Variants in ATG14 observed in about 807,000 individuals in gnomAD.
ATG14 encodes the protein autophagy related 14, also known as beclin 1-associated autophagy-related key regulator.
ATG14 carries 35 observed loss-of-function variants against 60.4 expected under a neutral mutation model. The ratio of observed to expected loss-of-function variants is 0.58; its 90% CI spans 0.44 to 0.77. The LOEUF is 0.77. Ranked by LOEUF, ATG14 falls within the 30% of genes least tolerant of loss-of-function variation. ATG14 has a pLI of 0.00. For missense variants in ATG14, 647 were observed against 626.3 expected (o/e 1.03, Z -0.35); for synonymous variants, 234 against 228.8 (o/e 1.02, Z -0.21).
intron 4 of ATG14, among the ~76,000 whole-genome samples, chr14:55,389,484 C>T (rs1885178470): frequency 6.6e-6 from 1 of 152,136 alleles, no homozygotes; most frequent in Admixed American, 6.6e-5. Flanking sequence ...TTTATTAGGA[C>T]AAATGTTTTC....
chr14:55,393,672 G>A (rs1046332618), intron 3 of ATG14, among the ~76,000 whole-genome samples: 16 of 151,598 alleles, frequency 1.1e-4, no homozygotes, highest in Non-Finnish European at 1.9e-4. Context: ...AACCTCCCAA[G>A]TAGCTGGGAC....
intron 1 of ATG14, among the ~76,000 whole-genome samples, chr14:55,397,943 CT>C (rs928087584): frequency 0.024 from 2,520 of 105,472 alleles, 8 homozygotes; most frequent in East Asian, 0.043. Context: ...TGCAGTAATT[CT>C]TTTTTTTTTT....
At chr14:55,401,887 G>A (rs1239051119) in intron 1 of ATG14, among the ~76,000 whole-genome samples, 2 of 152,196 alleles carry the variant, frequency 1.3e-5, no homozygotes, top group Non-Finnish European at 1.5e-5. Flanking sequence ...TATGGAGGCA[G>A]AGAAAATTCT....
chr14:55,384,270 T>C lies in ATG14; in HGVS notation c.647+1589A>G, dbSNP rs575362327. Among the ~76,000 whole-genome samples, 11 of 152,376 alleles carry C rather than the reference T, an allele frequency of 7.2e-5. No individual in the cohort carries two copies. In the South Asian group the frequency reaches 2.3e-3, roughly 32 times the overall value. On this transcript the variant is annotated intron_variant, in intron 5 of 9. Transcript: ENST00000247178. ...TTCTCCTCGTGTGTGTATTTTCTTT[T>C]TGAAAAAAGTCAGCCTTACAGAAAA...
At chr14:55,399,938 C>A (rs1342325270) in intron 1 of ATG14, among the ~76,000 whole-genome samples, 2 of 152,178 alleles carry the variant, frequency 1.3e-5, no homozygotes, top group Non-Finnish European at 2.9e-5. Context: ...CAAACTCTTA[C>A]AAATATACAG....
chr14:55,395,177 C>T (rs1306577811), intron 3 of ATG14: 6 of 444,496 alleles, frequency 1.3e-5, no homozygotes, highest in Non-Finnish European at 2.8e-5. Flanking sequence ...GTGCCGATCT[C>T]CTCTTGGGCT....
chr14:55,370,436 GA>G (rs1884787921), intron 9 of ATG14, among the ~76,000 whole-genome samples: 1 of 152,194 alleles, frequency 6.6e-6, no homozygotes, highest in African/African-American at 2.4e-5. Flanking sequence ...TTCTAGCACA[GA>G]ATGAGGCACA....
chr14:55,387,978 GA>G (rs1191052521), intron 4 of ATG14, among the ~76,000 whole-genome samples: 1 of 152,012 alleles, frequency 6.6e-6, no homozygotes, highest in East Asian at 1.9e-4. Context: ...TTACAGTTTT[GA>G]AACAACAATC....
rs777618732 is a variant in ATG14, at chr14:55,411,741, C to G, written c.82G>C (p.Asp28His). 3 of 1,610,480 alleles carry G rather than the reference C, an allele frequency of 1.9e-6. No individual in the cohort carries two copies. Residue 28 changes from aspartate (D) to histidine (H), a missense_variant, in exon 1 of 10, where the codon GAC becomes CAC. By Grantham distance (81) the Asp-to-His change is moderately conservative (BLOSUM62 -1). Coordinates refer to ENST00000247178, the MANE Select transcript of ATG14 (RefSeq NM_014924.5). ...AGCCCCTCCGCATCGTCCACGGAGT[C>G]CACCAGGTCCCGGGCGAGCGGCCGG... is the stretch of plus-strand genomic sequence containing the variant. ...GPRPLARDLV[D>H]SVDDAEGLYV... is the part of the protein sequence containing the mutation.
At chr14:55,388,085 C>T (rs56042503) in intron 4 of ATG14, among the ~76,000 whole-genome samples, 20,460 of 151,906 alleles carry the variant, frequency 0.13, 3,960 homozygotes, top group African/African-American at 0.43. Flanking sequence ...TGCAGTGAGC[C>T]GAGATCGTGC....
chr14:55,387,702 T>C (rs1270213798), intron 4 of ATG14, among the ~76,000 whole-genome samples: 1 of 152,076 alleles, frequency 6.6e-6, no homozygotes, highest in Non-Finnish European at 1.5e-5. Context: ...GGAGTTTCGC[T>C]CTTGTTGCCC....
At chr14:55,389,169 A>G (rs1220783164) in intron 4 of ATG14, among the ~76,000 whole-genome samples, 1 of 152,194 alleles carries the variant, frequency 6.6e-6, no homozygotes, top group Non-Finnish European at 1.5e-5. Flanking sequence ...GGAGTTAGGA[A>G]TGTGTTAAAA....
intron 4 of ATG14, among the ~76,000 whole-genome samples, chr14:55,388,141 C>CCAA (rs766038675): frequency 6.6e-6 from 1 of 152,068 alleles, no homozygotes; most frequent in Non-Finnish European, 1.5e-5. Flanking sequence ...CATCTCAAAA[C>CCAA]CAACAACAAC....
chr14:55,384,830 C>G (rs1261205351), intron 5 of ATG14, among the ~76,000 whole-genome samples: 2 of 152,194 alleles, frequency 1.3e-5, no homozygotes, highest in African/African-American at 2.4e-5. Context: ...TAAACGGAAG[C>G]CTTCGGTAGT....
chr14:55,398,966 G>C (rs1477829228), intron 1 of ATG14, among the ~76,000 whole-genome samples: 1 of 152,178 alleles, frequency 6.6e-6, no homozygotes, highest in African/African-American at 2.4e-5. Context: ...GTAACATGAT[G>C]TGGTGTTCAA....
At chr14:55,386,898 C>A (rs1218742423) in intron 4 of ATG14, among the ~76,000 whole-genome samples, 5 of 152,132 alleles carry the variant, frequency 3.3e-5, no homozygotes, top group African/African-American at 1.2e-4. Flanking sequence ...AACCCAAGTT[C>A]AAAATCAAGT....
chr14:55,403,383 T>A (rs1440014061), intron 1 of ATG14, among the ~76,000 whole-genome samples: 1 of 152,156 alleles, frequency 6.6e-6, no homozygotes, highest in Admixed American at 6.5e-5. Flanking sequence ...CAGTTCTAAC[T>A]ACACTCGCTT....
Position 55,382,154 on chromosome 14 carries a change from T to A in ATG14, c.685A>T (p.Met229Leu). Residue 229 changes from methionine (M) to leucine (L), a missense_variant, in exon 6 of 10, where the codon ATG (methionine) becomes TTG (leucine). Physicochemically the swap from Met to Leu is conservative, Grantham distance 15. Transcript: ENST00000247178. ...AGCTTGCTCACAGTGCTGGAGGTCATGGCACTGTCACTCTCTGAAGACACA... is the reference window on the plus strand; with the variant it reads ...AGCTTGCTCACAGTGCTGGAGGTCAAGGCACTGTCACTCTCTGAAGACACA... ...ADVSSESDSA[M>L]TSSTVSKLAE... is the part of the protein sequence containing the mutation. 1.9e-6 allele frequency: 3 copies of A among 1,614,140 alleles called. No homozygotes were observed. The highest frequency in any genetic ancestry group is 2.5e-6 in the Non-Finnish European group (3 of 1,180,008).
At chr14:55,393,705 T>C (rs902455163) in intron 3 of ATG14, among the ~76,000 whole-genome samples, 2 of 151,960 alleles carry the variant, frequency 1.3e-5, no homozygotes, top group Admixed American at 6.6e-5. Flanking sequence ...CTACCATGCC[T>C]GGCTAATTTT....
Sources: allele counts gnomAD v4.1 joint callset (sites outside exome capture counted in the v4.1 genomes callset), GRCh38; gene constraint gnomAD v4.1.1; transcripts MANE v1.5; gene names NCBI Gene and HGNC (gene_info 2026-07-23, HGNC 2026-07-21).